The following MTUS2 variants were observed in gnomAD, a reference collection of about 807,000 sequenced individuals.
The protein encoded by MTUS2 is microtubule-associated tumor suppressor candidate 2.
A neutral mutation model predicts 114.1 loss-of-function variants in MTUS2; 40 were observed. The observed-to-expected ratio is 0.35, with a 90% CI of 0.27 to 0.46. The LOEUF is 0.46. Among genes scored for constraint, MTUS2 ranks in the 20% least tolerant of loss-of-function variants. The probability of loss-of-function intolerance (pLI) is 1.00; values close to 1 mark genes in which losing one functional copy is unlikely to be tolerated. For missense variants in MTUS2, 1,679 were observed against 1,705.4 expected, an observed-to-expected ratio of 0.98 and a Z score of 0.27; for synonymous variants, 688 against 672.0, an observed-to-expected ratio of 1.02 and a Z score of -0.37.
chr13:29,249,504 G>C (rs1897049141), intron 5 of MTUS2, among the ~76,000 whole-genome samples: 1 of 152,022 alleles, frequency 6.6e-6, no homozygotes, highest in Non-Finnish European at 1.5e-5. Flanking sequence ...TCGCCATTCT[G>C]ACTGGCATGA....
chr13:29,197,924 TAA>T (rs969291841), intron 5 of MTUS2, among the ~76,000 whole-genome samples: 7 of 152,246 alleles, frequency 4.6e-5, no homozygotes, highest in Admixed American at 2.6e-4. Flanking sequence ...TAAATTTGTT[TAA>T]GTTTCTTGTA....
intron 2 of MTUS2, among the ~76,000 whole-genome samples, chr13:28,956,243 C>T (rs1028639991): frequency 6.6e-6 from 1 of 152,144 alleles, no homozygotes; most frequent in African/African-American, 2.4e-5. Context: ...GATTCAGTCA[C>T]AAGATCATTT....
At position 28,985,576 on chromosome 13, in the gene MTUS2, T is replaced by TAA. The variant is rs1178013211; in HGVS notation, c.-242-38877_-242-38876dup. 7.7e-3 allele frequency among the ~76,000 whole-genome samples: 1,146 copies of TAA among 149,498 alleles called. 11 individuals are homozygous for TAA. Among genetic ancestry groups the TAA allele is most frequent in the African/African-American group, 0.02 (785 of 39,846 alleles). On this transcript the variant is annotated intron_variant, in intron 2 of 15. Transcript: ENST00000612955. The stretch of plus-strand genomic sequence containing the variant: ...AATGGTATTCTTTTTTTTTTTTTTT[T>TAA]AAAAAGCTTTATCTTTGGTTTTTCT...
At chr13:28,830,798 A>G (rs1874618067) in intron 1 of MTUS2, among the ~76,000 whole-genome samples, 1 of 152,206 alleles carries the variant, frequency 6.6e-6, no homozygotes, top group Admixed American at 6.5e-5. Flanking sequence ...TCATGTACAG[A>G]GGATCTTCAA....
intron 5 of MTUS2, among the ~76,000 whole-genome samples, chr13:29,133,225 T>C (rs9551603): frequency 0.33 from 50,276 of 152,018 alleles, 8,789 homozygotes; most frequent in African/African-American, 0.46. Flanking sequence ...TTTTTTGTTA[T>C]TGAGTTTCAG....
rs759115320 is a variant in MTUS2, at chr13:29,480,096, T to C, written c.3185-54T>C. On this transcript the variant is annotated intron_variant, in intron 9 of 15. Coordinates refer to ENST00000612955, the MANE Select transcript of MTUS2 (RefSeq NM_001033602.4). The surrounding 1 kb of genome is among the most constrained non-coding windows in gnomAD (Gnocchi z 4.4). ...GATCTGACCATGGAGGCTGAGTCCT[T>C]CCCATGCCTCCTACGGCCATTTTTT... is the stretch of plus-strand genomic sequence containing the variant. 6.5e-7 allele frequency: 1 copy of C among 1,528,236 alleles called. No individual in the cohort carries two copies. The highest frequency in any genetic ancestry group is 8.9e-7 in the Non-Finnish European group (1 of 1,128,286). The allele number at this position is 1,528,236 out of a possible 1,614,324, so 94.7% of individuals were successfully genotyped here.
At chr13:29,055,753 C>G (rs1888105291) in intron 4 of MTUS2, among the ~76,000 whole-genome samples, 1 of 152,060 alleles carries the variant, frequency 6.6e-6, no homozygotes, top group South Asian at 2.1e-4. Context: ...GCCATTCTAA[C>G]TGGTGTGAGA....
chr13:29,352,647 A>G (rs987848383), intron 7 of MTUS2, among the ~76,000 whole-genome samples: 7 of 152,146 alleles, frequency 4.6e-5, no homozygotes, highest in African/African-American at 1.4e-4. Context: ...TTCATTTAGT[A>G]TAATGTTTTT....
intron 4 of MTUS2, among the ~76,000 whole-genome samples, chr13:29,090,955 A>G (rs7491604): frequency 6.6e-6 from 1 of 152,082 alleles, no homozygotes; most frequent in Middle Eastern, 3.2e-3. Context: ...TCCTGCAGCT[A>G]GGATCCTGGA....
At chr13:29,381,169 C>G (rs1872176336) in intron 8 of MTUS2, among the ~76,000 whole-genome samples, 1 of 152,092 alleles carries the variant, frequency 6.6e-6, no homozygotes, top group South Asian at 2.1e-4. Flanking sequence ...TGGGCTTCTG[C>G]CCAGATACAG....
rs370782342 is a variant in MTUS2, at chr13:28,863,360, C to T, written c.-243+23510C>T. ...TCAGGTCCTCTGCTAGCCTCCCACT[C>T]GGTTACAATTTGTTGGTTCCCACCA... On this transcript the variant is annotated intron_variant, in intron 2 of 15. Transcript: ENST00000612955. 3.5e-4 allele frequency among the ~76,000 whole-genome samples: 53 copies of T among 152,302 alleles called. No individual in the cohort carries two copies. The East Asian group carries it at 5.0e-3, about 14-fold the overall frequency.
At chr13:28,939,240 C>T (rs887810829) in intron 2 of MTUS2, among the ~76,000 whole-genome samples, 1 of 152,188 alleles carries the variant, frequency 6.6e-6, no homozygotes, top group Non-Finnish European at 1.5e-5. Context: ...AACATTGTGT[C>T]TTTCCTGTCA....
At chr13:29,084,819 A>T (rs1436582727) in intron 4 of MTUS2, among the ~76,000 whole-genome samples, 4 of 95,124 alleles carry the variant, frequency 4.2e-5, no homozygotes, top group Non-Finnish European at 9.1e-5. Flanking sequence ...AAGTGCTGGG[A>T]TTACAGGCAT....
chr13:29,141,667 C>T (rs543199167), intron 5 of MTUS2, among the ~76,000 whole-genome samples: 1 of 152,138 alleles, frequency 6.6e-6, no homozygotes, highest in East Asian at 1.9e-4. Flanking sequence ...CTCCTTTGGT[C>T]AAAGGTGCTT....
chr13:29,190,188 G>A (rs559176368), intron 5 of MTUS2, among the ~76,000 whole-genome samples: 13 of 152,252 alleles, frequency 8.5e-5, no homozygotes, highest in African/African-American at 2.9e-4. Context: ...TAAGCAGACC[G>A]AGATACCCAT....
chr13:29,066,517 G>A (rs1888674625), intron 4 of MTUS2, among the ~76,000 whole-genome samples: 1 of 152,208 alleles, frequency 6.6e-6, no homozygotes, highest in Non-Finnish European at 1.5e-5. Flanking sequence ...ATAGTGCAAA[G>A]GCAGCCACAG....
chr13:28,842,102 C>T (rs900385834), intron 2 of MTUS2, among the ~76,000 whole-genome samples: 3 of 152,142 alleles, frequency 2.0e-5, no homozygotes, highest in Non-Finnish European at 4.4e-5. Context: ...ATTACAAACA[C>T]CATTCATGAG....
chr13:29,300,369 G>T (rs901636575), intron 6 of MTUS2, among the ~76,000 whole-genome samples: 1 of 152,064 alleles, frequency 6.6e-6, no homozygotes, highest in African/African-American at 2.4e-5. Flanking sequence ...CTGGTATTTT[G>T]CCCACCCTGC....
intron 2 of MTUS2, among the ~76,000 whole-genome samples, chr13:28,995,174 T>G (rs1885041256): frequency 6.6e-6 from 1 of 152,242 alleles, no homozygotes; most frequent in Admixed American, 6.5e-5. Flanking sequence ...TCCCCATTTC[T>G]TGTTTTTGCC....
Sources: allele counts gnomAD v4.1 joint callset (sites outside exome capture counted in the v4.1 genomes callset), GRCh38; gene constraint gnomAD v4.1.1; non-coding constraint Gnocchi (gnomAD v3.1); transcripts MANE v1.5; gene names NCBI Gene and HGNC (gene_info 2026-07-23, HGNC 2026-07-21).